GLIS3: variants seen among roughly 807,000 people sequenced by gnomAD.
GLIS3 encodes the protein zinc finger protein GLIS3.
Under a neutral mutation model 78.6 loss-of-function variants are expected in GLIS3, and 53 were observed. The ratio of observed to expected loss-of-function variants is 0.67; its 90% CI spans 0.54 to 0.85. The LOEUF is 0.85. Ranked by LOEUF, GLIS3 falls within the 40% of genes least tolerant of loss-of-function variation. The pLI is 0.00. For missense variants in GLIS3, 1,703 were observed against 1,231.1 expected (o/e 1.38, Z -5.74); for synonymous variants, 684 against 509.9 (o/e 1.34, Z -4.60).
At chr9:4,095,066 T>C (rs894922327) in intron 4 of GLIS3, among the ~76,000 whole-genome samples, 4 of 152,206 alleles carry the variant, frequency 2.6e-5, no homozygotes, top group African/African-American at 9.6e-5. Flanking sequence ...TATTTGAAAC[T>C]ATACACTATG....
chr9:4,483,288 G>A, the GLIS3 span, among the ~76,000 whole-genome samples: 13 of 152,156 alleles, frequency 8.5e-5, no homozygotes, highest in Non-Finnish European at 1.8e-4. Flanking sequence ...TGTATTTAGT[G>A]CCCAATGGAG....
At chr9:4,343,748 G>T (rs761694522) in intron 2 of GLIS3, among the ~76,000 whole-genome samples, 2 of 152,156 alleles carry the variant, frequency 1.3e-5, no homozygotes, top group Non-Finnish European at 2.9e-5. Context: ...AAAACAATGA[G>T]ATCTTGTCCT....
intron 9 of GLIS3, among the ~76,000 whole-genome samples, chr9:3,834,490 A>C (rs1482121353): frequency 6.6e-6 from 1 of 152,214 alleles, no homozygotes; most frequent in East Asian, 1.9e-4. Context: ...ATTTTAATTA[A>C]TTCAAATTTA....
the GLIS3 span, among the ~76,000 whole-genome samples, chr9:4,440,938 A>G: frequency 6.7e-6 from 1 of 148,876 alleles, no homozygotes; most frequent in African/African-American, 2.5e-5. Flanking sequence ...TGTTTTCTTA[A>G]TTTTTTTTTC....
chr9:3,952,692 G>A (rs913124332), intron 4 of GLIS3, among the ~76,000 whole-genome samples: 1 of 152,106 alleles, frequency 6.6e-6, no homozygotes, highest in African/African-American at 2.4e-5. Flanking sequence ...GGTAATTTTT[G>A]TATGGAAACA....
At chr9:4,165,597 C>A (rs1835819276) in intron 2 of GLIS3, among the ~76,000 whole-genome samples, 1 of 152,260 alleles carries the variant, frequency 6.6e-6, no homozygotes, top group Non-Finnish European at 1.5e-5. Context: ...TTCACTGCAG[C>A]AGAATCAGGA....
chr9:4,029,867 C>T (rs1284548082), intron 4 of GLIS3, among the ~76,000 whole-genome samples: 3 of 152,120 alleles, frequency 2.0e-5, no homozygotes, highest in African/African-American at 7.2e-5. Flanking sequence ...TGGTTGCTTC[C>T]AAATCTTAGC....
chr9:3,997,435 T>C (rs1482397480), intron 4 of GLIS3, among the ~76,000 whole-genome samples: 1 of 152,084 alleles, frequency 6.6e-6, no homozygotes, highest in Non-Finnish European at 1.5e-5. Context: ...AGAAAAGCTC[T>C]AATTTACATA....
In GLIS3 at chr9:3,863,747, A is replaced by G. The variant is rs147806831; in HGVS notation, c.2298-7563T>C. Among the ~76,000 whole-genome samples the G allele has an allele frequency of 2.8e-3, 432 of 152,324 alleles. 7 individuals are homozygous for G. Among genetic ancestry groups the G allele is most frequent in the African/African-American group, 0.01 (416 of 41,560 alleles). On this transcript the variant is annotated intron_variant, in intron 8 of 10. Transcript: ENST00000381971. ...AAACAGAAAGGACAGAGTGTTCTGGAGGAAAGTTTCTCCTCTTGGGTGTAG... is the reference window on the plus strand; with the variant it reads ...AAACAGAAAGGACAGAGTGTTCTGGGGGAAAGTTTCTCCTCTTGGGTGTAG...
the GLIS3 span, among the ~76,000 whole-genome samples, chr9:4,487,620 G>T: frequency 6.6e-6 from 1 of 151,830 alleles, no homozygotes; most frequent in African/African-American, 2.4e-5. Flanking sequence ...CTCCCCTCAG[G>T]AATGTTTATT....
At chr9:4,206,942 T>A (rs549819325) in intron 2 of GLIS3, among the ~76,000 whole-genome samples, 1 of 152,306 alleles carries the variant, frequency 6.6e-6, no homozygotes, top group East Asian at 1.9e-4. Context: ...AACAACTGCT[T>A]AATATCCTTA....
the GLIS3 span, among the ~76,000 whole-genome samples, chr9:4,376,662 T>A: frequency 7.5e-6 from 1 of 134,124 alleles, no homozygotes; most frequent in Non-Finnish European, 1.7e-5. Flanking sequence ...AAATATAACT[T>A]TTTCACCCTG....
intron 7 of GLIS3, among the ~76,000 whole-genome samples, chr9:3,885,624 C>T (rs1036373773): frequency 6.6e-6 from 1 of 152,146 alleles, no homozygotes; most frequent in Non-Finnish European, 1.5e-5. Flanking sequence ...ATAAGCTAAT[C>T]AATGAAATCA....
At chr9:3,970,650 T>C (rs2130919726) in intron 4 of GLIS3, among the ~76,000 whole-genome samples, 1 of 152,322 alleles carries the variant, frequency 6.6e-6, no homozygotes, top group South Asian at 2.1e-4. Flanking sequence ...TGAGAAGCCC[T>C]ATCCTATAGC....
chr9:4,099,455 A>T (rs1203881241), intron 4 of GLIS3, among the ~76,000 whole-genome samples: 1 of 127,182 alleles, frequency 7.9e-6, no homozygotes, highest in African/African-American at 3.3e-5. Context: ...CCTTCCCCCA[A>T]TGCACACATG....
rs1563901200 is a variant in GLIS3, at chr9:3,967,010, G to GAAAAA, written c.1711-29822_1711-29821insTTTTT. Among the ~76,000 whole-genome samples the GAAAAA allele has an allele frequency of 3.2e-4, 9 of 27,860 alleles. 1 individual carries two copies. The highest frequency in any genetic ancestry group is 6.5e-4 in the Non-Finnish European group (9 of 13,818). The allele number at this position is 27,860 out of a possible 152,430, so 18.3% of individuals were successfully genotyped here. A position where few individuals can be genotyped will look rare whatever the true frequency, so the allele number is the denominator to read the frequency against. ...CCTCAACTCCAGACAATTTCTTTCTGCAAAAAAAAAAAAAAAAAAAAAACA... is the reference window on the plus strand; with the variant it reads ...CCTCAACTCCAGACAATTTCTTTCTGAAAAACAAAAAAAAAAAAAAAAAAAAAACA... On this transcript the variant is annotated intron_variant, in intron 4 of 10. Coordinates refer to ENST00000381971, the MANE Select transcript of GLIS3 (RefSeq NM_001042413.2).
chr9:4,102,389 A>G (rs562378806), intron 4 of GLIS3, among the ~76,000 whole-genome samples: 1 of 152,314 alleles, frequency 6.6e-6, no homozygotes, highest in African/African-American at 2.4e-5. Flanking sequence ...AAATCTCAGA[A>G]TAACGGCCCT....
At chr9:4,058,225 T>C (rs926053052) in intron 4 of GLIS3, among the ~76,000 whole-genome samples, 8 of 152,184 alleles carry the variant, frequency 5.3e-5, no homozygotes, top group African/African-American at 1.9e-4. Flanking sequence ...ACTGCAGGCC[T>C]TGTATTTTTC....
At chr9:4,413,632 G>A in the GLIS3 span, among the ~76,000 whole-genome samples, 1 of 151,978 alleles carries the variant, frequency 6.6e-6, no homozygotes, top group Admixed American at 6.6e-5. Flanking sequence ...GCCCAGATTT[G>A]ACTCCATGAC....
Sources: gnomAD v4.1 joint callset for allele counts (sites outside exome capture counted in the v4.1 genomes callset) on GRCh38, gnomAD v4.1.1 for gene constraint, MANE v1.5 for transcripts, NCBI Gene and HGNC (gene_info 2026-07-23, HGNC 2026-07-21) for gene names.